Variants in EXOC4 observed in about 807,000 individuals in gnomAD.
EXOC4 encodes the protein SEC8-like 1.
A neutral mutation model predicts 107.2 loss-of-function variants in EXOC4; 71 were observed. The observed-to-expected ratio is 0.66, with a 90% CI of 0.55 to 0.81. The LOEUF is 0.81. Ranked by LOEUF, EXOC4 falls within the 30% of genes least tolerant of loss-of-function variation. EXOC4 has a pLI of 0.00. For missense variants in EXOC4, 1,108 were observed against 1,189.6 expected, an observed-to-expected ratio of 0.93 and a Z score of 1.01; for synonymous variants, 456 against 441.2, an observed-to-expected ratio of 1.03 and a Z score of -0.42.
At chr7:134,023,498 G>A (rs941911266) in intron 17 of EXOC4, among the ~76,000 whole-genome samples, 6 of 151,868 alleles carry the variant, frequency 4.0e-5, no homozygotes, top group Non-Finnish European at 8.8e-5. Flanking sequence ...TATAACTTAT[G>A]TGATTTACAC....
chr7:133,902,290 A>G (rs1020232368), intron 12 of EXOC4, among the ~76,000 whole-genome samples: 1 of 152,200 alleles, frequency 6.6e-6, no homozygotes, highest in African/African-American at 2.4e-5. Flanking sequence ...GCATCACAAG[A>G]TCCTTCCCTA....
At chr7:133,774,548 C>A (rs1420969) in intron 10 of EXOC4, among the ~76,000 whole-genome samples, 17,907 of 152,064 alleles carry the variant, frequency 0.12, 1,142 homozygotes, top group Middle Eastern at 0.15. Flanking sequence ...TATTACTGAT[C>A]ATCAGTGGCA....
At chr7:133,901,290 C>T (rs1343088761) in intron 12 of EXOC4, among the ~76,000 whole-genome samples, 2 of 152,164 alleles carry the variant, frequency 1.3e-5, no homozygotes, top group African/African-American at 4.8e-5. Flanking sequence ...ATTACATAAG[C>T]AATCTTTTTT....
intron 7 of EXOC4, among the ~76,000 whole-genome samples, chr7:133,460,399 A>G (rs1386334161): frequency 6.6e-6 from 1 of 152,162 alleles, no homozygotes; most frequent in Non-Finnish European, 1.5e-5. Flanking sequence ...TTGCGCTAGA[A>G]TTTTCATATT....
At position 133,711,304 on chromosome 7, in the gene EXOC4, C is replaced by T. The variant is rs189469380; in HGVS notation, c.1514+81163C>T. Among the ~76,000 whole-genome samples, 3 of 152,306 alleles carry T rather than the reference C, an allele frequency of 2.0e-5. 1 individual carries two copies. The highest frequency in any genetic ancestry group is 2.0e-4 in the Admixed American group (3 of 15,300). On this transcript the variant is annotated intron_variant, in intron 10 of 17. Transcript: ENST00000253861. ...ATGGGCCACTAAACATTTCAATTTG[C>T]TACCTGTGGAGCTGGATTGCAATGC...
intron 14 of EXOC4, among the ~76,000 whole-genome samples, chr7:133,990,514 ATCTCGGC>A (rs1235990686): frequency 6.6e-6 from 1 of 152,104 alleles, no homozygotes; most frequent in Non-Finnish European, 1.5e-5. Context: ...CAGTGGCGCA[ATCTCGGC>A]TCACTGCAAC....
At chr7:133,483,962 T>C in intron 9 of EXOC4, 2 of 1,504,142 alleles carry the variant, frequency 1.3e-6, no homozygotes, top group South Asian at 2.3e-5. Flanking sequence ...TTTTTGTTTC[T>C]TCTGTTAACA....
chr7:133,488,141 A>G (rs1799304776), intron 9 of EXOC4, among the ~76,000 whole-genome samples: 1 of 152,222 alleles, frequency 6.6e-6, no homozygotes, highest in Non-Finnish European at 1.5e-5. Flanking sequence ...AGGAATACTA[A>G]TAGTATCAAT....
chr7:133,934,220 G>A (rs1168312780), intron 13 of EXOC4, among the ~76,000 whole-genome samples: 1 of 152,134 alleles, frequency 6.6e-6, no homozygotes, highest in African/African-American at 2.4e-5. Context: ...AACAGCTAAA[G>A]CCATCCCTTT....
At chr7:133,871,789 A>C (rs929012913) in intron 11 of EXOC4, among the ~76,000 whole-genome samples, 3 of 152,074 alleles carry the variant, frequency 2.0e-5, no homozygotes, top group Admixed American at 2.0e-4. Context: ...TTGTTACTGA[A>C]CTTTTTGTGC....
At chr7:133,927,251 T>C (rs759456005) in intron 13 of EXOC4, among the ~76,000 whole-genome samples, 13 of 152,178 alleles carry the variant, frequency 8.5e-5, no homozygotes, top group Non-Finnish European at 1.9e-4. Flanking sequence ...CTCAGCACCA[T>C]CATTAACTAG....
At chr7:133,778,443 T>C (rs2551032) in intron 10 of EXOC4, among the ~76,000 whole-genome samples, 150,235 of 152,262 alleles carry the variant, frequency 0.99, 74,159 homozygotes, top group Middle Eastern at 1. Flanking sequence ...AAAAATTAGC[T>C]GGGCTTGGCG....
At chr7:133,759,769 G>C (rs571224076) in intron 10 of EXOC4, among the ~76,000 whole-genome samples, 1 of 152,146 alleles carries the variant, frequency 6.6e-6, no homozygotes, top group East Asian at 1.9e-4. Context: ...AAAGAAGAAG[G>C]AGAAAGGTTA....
the EXOC4 span, among the ~76,000 whole-genome samples, chr7:134,074,257 C>T: frequency 6.6e-6 from 1 of 152,192 alleles, no homozygotes; most frequent in South Asian, 2.1e-4. Flanking sequence ...CCTTTCAAAA[C>T]AATAGGCTGC....
At chr7:133,632,596 A>G (rs891937386) in intron 10 of EXOC4, among the ~76,000 whole-genome samples, 1 of 152,146 alleles carries the variant, frequency 6.6e-6, no homozygotes, top group African/African-American at 2.4e-5. Flanking sequence ...TATTTCTTCT[A>G]AAGTTCAGAA....
intron 10 of EXOC4, among the ~76,000 whole-genome samples, chr7:133,781,895 C>G (rs554029477): frequency 7.7e-6 from 1 of 130,508 alleles, no homozygotes; most frequent in African/African-American, 2.9e-5. Flanking sequence ...CCAGACCTGC[C>G]GCATAATCAG....
At chr7:133,746,569 C>T (rs1484470071) in intron 10 of EXOC4, among the ~76,000 whole-genome samples, 1 of 152,078 alleles carries the variant, frequency 6.6e-6, no homozygotes, top group East Asian at 1.9e-4. Flanking sequence ...GAGAGGAATA[C>T]GTGTTTCTTT....
chr7:133,724,781 T>C (rs980365717), intron 10 of EXOC4, among the ~76,000 whole-genome samples: 2 of 152,176 alleles, frequency 1.3e-5, no homozygotes, highest in Non-Finnish European at 2.9e-5. Flanking sequence ...ACAGATGTTC[T>C]AGCAAGAGGG....
the EXOC4 span, among the ~76,000 whole-genome samples, chr7:134,089,947 G>A: frequency 2.6e-5 from 4 of 152,124 alleles, no homozygotes; most frequent in East Asian, 7.7e-4. Context: ...AAAGCATTTA[G>A]TAAACTTAAT....
Sources: allele counts gnomAD v4.1 joint callset (sites outside exome capture counted in the v4.1 genomes callset), GRCh38; gene constraint gnomAD v4.1.1; transcripts MANE v1.5; gene names NCBI Gene and HGNC (gene_info 2026-07-23, HGNC 2026-07-21).